The following ZDHHC23 variants were observed in gnomAD, a reference collection of about 807,000 sequenced individuals.
ZDHHC23 encodes palmitoyltransferase ZDHHC23.
A neutral mutation model predicts 40.2 loss-of-function variants in ZDHHC23; 41 were observed. The ratio of observed to expected loss-of-function variants is 1.02; its 90% CI spans 0.79 to 1.32. ZDHHC23 has a LOEUF of 1.32. Ranked by LOEUF, ZDHHC23 falls within the 40% of genes most tolerant of loss-of-function variation. The pLI is 0.00. For missense variants in ZDHHC23, 471 were observed against 541.5 expected (o/e 0.87, Z 1.29); for synonymous variants, 204 against 210.2 (o/e 0.97, Z 0.26).
downstream of ZDHHC23, among the ~76,000 whole-genome samples, chr3:113,969,975 C>CAGG (rs1419080169): frequency 2.0e-5 from 3 of 152,136 alleles, no homozygotes; most frequent in Non-Finnish European, 4.4e-5. Flanking sequence ...TCTTCCAGTG[C>CAGG]AGGAGCATGG....
chr3:113,978,780 A>G, the ZDHHC23 span: 1 of 1,470,800 alleles, frequency 6.8e-7, no homozygotes, highest in Non-Finnish European at 9.3e-7. Flanking sequence ...GACCCTGGAC[A>G]TTCTGGATTT....
intron 2 of ZDHHC23, among the ~76,000 whole-genome samples, chr3:113,952,668 ATAACT>A: frequency 6.6e-6 from 1 of 152,336 alleles, no homozygotes; most frequent in Non-Finnish European, 1.5e-5. Flanking sequence ...CTGTAACAAA[ATAACT>A]TAGGCTGGGT....
intron 4 of ZDHHC23, chr3:113,957,455 A>G: frequency 2.8e-6 from 1 of 354,696 alleles, no homozygotes; most frequent in East Asian, 7.5e-5. Flanking sequence ...TATCTCCAGC[A>G]TGTGAATGAA....
chr3:113,958,271 A>G (rs1559849754), intron 4 of ZDHHC23, 92 bp from the exon 5 acceptor site: 5 of 1,220,400 alleles, frequency 4.1e-6, no homozygotes, highest in Admixed American at 2.1e-5. Context: ...GTCTTTAGTA[A>G]TAAGTAAAAA....
chr3:113,954,468 C>A, intron 3 of ZDHHC23, 58 bp downstream of exon 3: 1 of 1,439,086 alleles, frequency 6.9e-7, no homozygotes, highest in Non-Finnish European at 9.3e-7. Context: ...ACTCTAGTTA[C>A]ATTTTATCTT....
At chr3:113,967,842 C>T (rs1940370976), downstream of ZDHHC23, among the ~76,000 whole-genome samples, 1 of 152,196 alleles carries the variant, frequency 6.6e-6, no homozygotes, top group African/African-American at 2.4e-5. Context: ...TCTCTATCTT[C>T]ATGAGATTCA....
At chr3:113,968,372 C>G (rs1188225522), downstream of ZDHHC23, among the ~76,000 whole-genome samples, 1 of 152,118 alleles carries the variant, frequency 6.6e-6, no homozygotes, top group African/African-American at 2.4e-5. Flanking sequence ...TTGGATTTCT[C>G]TGATAATTAG....
chr3:113,978,958 C>T, the ZDHHC23 span: 1 of 1,614,014 alleles, frequency 6.2e-7, no homozygotes, highest in South Asian at 1.1e-5. Flanking sequence ...ACGCTGGAAC[C>T]ACGTCAGCAT....
At chr3:113,953,173 T>G (rs941497808) in intron 2 of ZDHHC23, among the ~76,000 whole-genome samples, 19 of 150,328 alleles carry the variant, frequency 1.3e-4, no homozygotes, top group African/African-American at 4.6e-4. Flanking sequence ...CTGGAAGGCC[T>G]TCCTTACTCC....
rs1374903504 is a variant in ZDHHC23 at position 113,961,644 on chromosome 3, A to T, written c.*3014A>T. The T allele has an allele frequency of 5.2e-5, 8 of 152,662 alleles. No individual in the cohort carries two copies. The highest frequency in any genetic ancestry group is 1.9e-4 in the African/African-American group (8 of 41,464). 9.5% of individuals were successfully genotyped at this position (152,662 alleles called of 1,614,324 possible). On this transcript the variant is annotated 3_prime_UTR_variant, in exon 5 of 5. Transcript: ENST00000638807. ...AGGATATTGTAAATCTTTGCTAAGT[A>T]GTGTTTTCCTTGGTGAATGAAGTCA...
chr3:113,960,685 G>T lies in ZDHHC23; in HGVS notation c.*2055G>T. 2 of 1,606,294 alleles carry T rather than the reference G, an allele frequency of 1.2e-6. No individual in the cohort carries two copies. Among genetic ancestry groups the T allele is most frequent in the Non-Finnish European group, 1.7e-6 (2 of 1,177,274 alleles). ...AAAATAATTTGGGAGAATTAGGAAT[G>T]ATGACAATTTTTTTTAACAACTTAC... On this transcript the variant is annotated 3_prime_UTR_variant, in exon 5 of 5. Transcript: ENST00000638807.
downstream of ZDHHC23, among the ~76,000 whole-genome samples, chr3:113,970,315 C>T (rs1940668767): frequency 6.6e-6 from 1 of 151,986 alleles, no homozygotes; most frequent in South Asian, 2.1e-4. Flanking sequence ...AATTTAGCTT[C>T]TTCCTTTTCA....
In ZDHHC23 at chr3:113,960,636, G is replaced by A. The variant is rs1311707706; in HGVS notation, c.*2006G>A. Reference sequence around the variant, plus strand: ...ACATCTAAATGTAATGTGATGTGATGAAGATAAGTAGTACAAAGAGACCAA... The same window carrying A: ...ACATCTAAATGTAATGTGATGTGATAAAGATAAGTAGTACAAAGAGACCAA... On this transcript the variant is annotated 3_prime_UTR_variant, in exon 5 of 5. Coordinates refer to ENST00000638807, the MANE Select transcript of ZDHHC23 (RefSeq NM_001320466.2). 28 of 1,589,764 alleles carry A rather than the reference G, an allele frequency of 1.8e-5. No homozygotes were observed. The highest frequency in any genetic ancestry group is 2.2e-5 in the Non-Finnish European group (26 of 1,172,730).
At chr3:113,970,736 G>C in the ZDHHC23 span, among the ~76,000 whole-genome samples, 6 of 151,430 alleles carry the variant, frequency 4.0e-5, no homozygotes, top group African/African-American at 9.7e-5. Flanking sequence ...CCCCACAGCA[G>C]ACCCCGGTGT....
chr3:113,965,267 C>T (rs775941056), downstream of ZDHHC23: 75 of 1,611,696 alleles, frequency 4.7e-5, no homozygotes, highest in Admixed American at 2.3e-4. Flanking sequence ...TACCTTCCTA[C>T]GAAGTTGCTG....
At chr3:113,958,088 G>A (rs998519314) in intron 4 of ZDHHC23, among the ~76,000 whole-genome samples, 61 of 152,116 alleles carry the variant, frequency 4.0e-4, no homozygotes, top group African/African-American at 1.3e-3. Flanking sequence ...GTCAGGCAGC[G>A]TGCTGGGTGT....
chr3:113,963,939 T>G (rs1939870528), downstream of ZDHHC23, among the ~76,000 whole-genome samples: 1 of 148,158 alleles, frequency 6.7e-6, no homozygotes, highest in Non-Finnish European at 1.5e-5. Context: ...CACAGGTTTT[T>G]TTTTTTTTTA....
the ZDHHC23 span, chr3:113,978,201 G>A: frequency 4.5e-3 from 7,273 of 1,613,920 alleles, 16 homozygotes; most frequent in Non-Finnish European, 5.3e-3. Flanking sequence ...ACTGTGCTCC[G>A]CTGCAATCTC....
intron 4 of ZDHHC23, 69 bp from the exon 5 acceptor site, chr3:113,958,293 CG>C: frequency 1.4e-6 from 2 of 1,401,388 alleles, no homozygotes; most frequent in Admixed American, 2.0e-5. Context: ...ATGTGTAAAA[CG>C]TGAGAATGAT....
Sources: gnomAD v4.1 joint callset for allele counts (sites outside exome capture counted in the v4.1 genomes callset) on GRCh38, gnomAD v4.1.1 for gene constraint, MANE v1.5 for transcripts, NCBI Gene and HGNC (gene_info 2026-07-23, HGNC 2026-07-21) for gene names.